Variants in DMD observed in about 807,000 individuals in gnomAD.
DMD encodes dystrophin, also known as mutant dystrophin.
Under a neutral mutation model 330.1 loss-of-function variants are expected in DMD, and 63 were observed. The observed-to-expected ratio is 0.19, with a 90% CI of 0.16 to 0.24. DMD has a LOEUF of 0.24. Among genes scored for constraint, DMD ranks in the 10% least tolerant of loss-of-function variants. DMD has a pLI of 1.00. For missense variants in DMD, 3,344 were observed against 2,684.1 expected (o/e 1.25, Z -5.43); for synonymous variants, 1,223 against 959.8 (o/e 1.27, Z -5.07).
chrX:32,291,036 G>A lies in DMD; in HGVS notation c.6118-3335C>T, dbSNP rs769702396. Among the ~76,000 whole-genome samples the A allele has an allele frequency of 5.4e-5, 6 of 111,727 alleles. No individual in the cohort carries two copies. The South Asian group carries it at 1.5e-3, about 28-fold the overall frequency. ...AGCTAGTAGGTAACACACACGCAAAGCTAGGTAACAAGCGCAGTCATATTT... is the reference window on the plus strand; with the variant it reads ...AGCTAGTAGGTAACACACACGCAAAACTAGGTAACAAGCGCAGTCATATTT... On this transcript the variant is annotated intron_variant, in intron 42 of 78. Transcript: ENST00000357033.
At chrX:32,408,259 G>T (rs996594120) in intron 30 of DMD, among the ~76,000 whole-genome samples, 2 of 111,749 alleles carry the variant, frequency 1.8e-5, no homozygotes, top group African/African-American at 6.5e-5. Context: ...GTAAGCTCAT[G>T]TCACTAAAAT....
At chrX:32,501,651 T>G in intron 19 of DMD, 104 bp downstream of exon 19, 1 of 592,501 alleles carries the variant, frequency 1.7e-6, no homozygotes, top group Non-Finnish European at 2.8e-6. Flanking sequence ...TAATTTAAAT[T>G]TGTATTTAAC....
chrX:31,896,400 C>T (rs1225582391), intron 47 of DMD, among the ~76,000 whole-genome samples: 4 of 111,616 alleles, frequency 3.6e-5, no homozygotes, highest in Non-Finnish European at 5.7e-5. Context: ...ATTTCAGACA[C>T]TGTATATTCT....
chrX:31,175,417 T>A (rs1370323935), intron 71 of DMD, among the ~76,000 whole-genome samples: 1 of 111,176 alleles, frequency 9.0e-6, no homozygotes, highest in Non-Finnish European at 1.9e-5. Flanking sequence ...TAATTCCATG[T>A]TATTTTTCTT....
At chrX:31,713,608 C>T (rs6628628) in intron 52 of DMD, among the ~76,000 whole-genome samples, 17,260 of 110,865 alleles carry the variant, frequency 0.16, 1,179 homozygotes, top group Admixed American at 0.32. Flanking sequence ...ATGTACAGAG[C>T]GATAAATGGA....
intron 44 of DMD, among the ~76,000 whole-genome samples, chrX:32,031,218 T>A (rs2095880252): frequency 9.0e-6 from 1 of 111,679 alleles, no homozygotes. Context: ...CAGGTTATCT[T>A]CTGTCATGGT....
chrX:31,375,669 A>T (rs1168525589), intron 60 of DMD, among the ~76,000 whole-genome samples: 2 of 111,856 alleles, frequency 1.8e-5, no homozygotes, highest in African/African-American at 6.5e-5. Context: ...TCAAATGCAT[A>T]GAGACGGAAA....
At chrX:32,735,854 G>A (rs1326415066) in intron 7 of DMD, among the ~76,000 whole-genome samples, 2 of 111,698 alleles carry the variant, frequency 1.8e-5, no homozygotes, top group African/African-American at 6.5e-5. Flanking sequence ...ACATAGGCAT[G>A]GGCAAGGACT....
In DMD at chrX:32,491,518, T is replaced by C; in HGVS notation, c.2381A>G (p.Glu794Gly). ...AQALVEQMVN[E>G]GVNADSIKQA... ...TTTGATGCTATCTGCATTAACACCC[T>C]CTAGAAAGAAAAAAATAATTAAATA... Residue 794 changes from glutamate (E) to glycine (G), a missense_variant and splice_region_variant, in exon 20 of 79, where the codon GAG (glutamate) becomes GGG (glycine). Coordinates refer to ENST00000357033, the MANE Select transcript of DMD (RefSeq NM_004006.3). 1.7e-6 allele frequency: 2 copies of C among 1,205,572 alleles called. No homozygotes were observed. The highest frequency in any genetic ancestry group is 2.2e-6 in the Non-Finnish European group (2 of 892,019).
At chrX:31,835,556 A>G (rs2093176881) in intron 49 of DMD, among the ~76,000 whole-genome samples, 1 of 111,749 alleles carries the variant, frequency 8.9e-6, no homozygotes. Context: ...TGGTTGCAAT[A>G]TATTTCTGAA....
chrX:33,060,150 T>C (rs994974493), intron 1 of DMD, among the ~76,000 whole-genome samples: 3 of 110,531 alleles, frequency 2.7e-5, no homozygotes, highest in East Asian at 2.9e-4. Flanking sequence ...GGGAGAGAGA[T>C]TGAGCTCAAT....
intron 7 of DMD, among the ~76,000 whole-genome samples, chrX:32,725,947 C>G (rs1484038031): frequency 9.0e-6 from 1 of 110,915 alleles, no homozygotes; most frequent in Non-Finnish European, 1.9e-5. Flanking sequence ...CTGTCTCTCT[C>G]TTTCTATACA....
chrX:32,243,062 GCAGGCAGA>G (rs781135755), intron 43 of DMD, among the ~76,000 whole-genome samples: 9 of 108,474 alleles, frequency 8.3e-5, no homozygotes, highest in South Asian at 4.0e-4. Context: ...AACCAAGCAA[GCAGGCAGA>G]CAGGCAGACA....
intron 1 of DMD, among the ~76,000 whole-genome samples, chrX:33,137,358 G>T (rs1352606039): frequency 9.0e-6 from 1 of 111,712 alleles, no homozygotes; most frequent in Non-Finnish European, 1.9e-5. Context: ...GTGGTGGGGG[G>T]AGGATAACGG....
chrX:33,080,733 A>G (rs1430220880), intron 1 of DMD, among the ~76,000 whole-genome samples: 6 of 111,135 alleles, frequency 5.4e-5, no homozygotes, highest in African/African-American at 2.0e-4. Context: ...TTCCAAAGTC[A>G]AGGAAACAGT....
chrX:33,096,254 G>A (rs936179255), intron 1 of DMD, among the ~76,000 whole-genome samples: 4 of 110,984 alleles, frequency 3.6e-5, no homozygotes, highest in Admixed American at 9.6e-5. Flanking sequence ...GATTACTGGC[G>A]TGAGCCACCG....
At chrX:33,026,404 C>G (rs142165990) in intron 1 of DMD, among the ~76,000 whole-genome samples, 1,241 of 103,366 alleles carry the variant, frequency 0.012, 25 homozygotes, top group African/African-American at 0.041. Flanking sequence ...TAAGTTCAGT[C>G]TATTCTCTGC....
intron 59 of DMD, among the ~76,000 whole-genome samples, chrX:31,475,387 T>G (rs1267753851): frequency 8.9e-6 from 1 of 111,820 alleles, no homozygotes; most frequent in Admixed American, 9.5e-5. Context: ...TAGTTATTTT[T>G]AATTATTAAA....
intron 51 of DMD, among the ~76,000 whole-genome samples, chrX:31,754,425 T>C (rs905812343): frequency 1.3e-4 from 14 of 110,045 alleles, no homozygotes; most frequent in Admixed American, 1.1e-3. Flanking sequence ...AACTGAAAAA[T>C]ACAGATAGAT....
Sources: gnomAD v4.1 joint callset for allele counts (sites outside exome capture counted in the v4.1 genomes callset) on GRCh38, gnomAD v4.1.1 for gene constraint, MANE v1.5 for transcripts, NCBI Gene and HGNC (gene_info 2026-07-23, HGNC 2026-07-21) for gene names.